Variants in MYH15 observed in about 807,000 individuals in gnomAD.
MYH15 encodes the protein myosin heavy chain 15, also known as myosin-15.
Under a neutral mutation model 240.5 loss-of-function variants are expected in MYH15, and 227 were observed. The observed-to-expected ratio is 0.94, with a 90% CI of 0.85 to 1.05. MYH15 has a LOEUF of 1.05. MYH15 is among the 50% of genes least tolerant of loss of function. The probability of loss-of-function intolerance (pLI) is 0.00; values close to 1 mark genes in which losing one functional copy is unlikely to be tolerated. For synonymous variants in MYH15, 785 were observed against 796.7 expected (o/e 0.99, Z 0.25); for missense variants, 2,217 against 2,247.5 (o/e 0.99, Z 0.27).
intron 27 of MYH15, among the ~76,000 whole-genome samples, chr3:108,422,514 AT>A: frequency 6.6e-6 from 1 of 152,264 alleles, no homozygotes; most frequent in East Asian, 1.9e-4. Flanking sequence ...AATGCCTTCC[AT>A]CTGCCCCATC....
intron 2 of MYH15, among the ~76,000 whole-genome samples, chr3:108,504,922 G>C (rs1017920032): frequency 1.3e-5 from 2 of 152,174 alleles, no homozygotes; most frequent in Non-Finnish European, 2.9e-5. Context: ...AAAGGTCATA[G>C]ATGACCTCCT....
At position 108,383,689 on chromosome 3, in the gene MYH15, T is replaced by C; in HGVS notation, c.5672A>G (p.Gln1891Arg). 1 of 1,611,336 alleles carries C rather than the reference T, an allele frequency of 6.2e-7. No individual in the cohort carries two copies. The highest frequency in any genetic ancestry group is 8.5e-7 in the Non-Finnish European group (1 of 1,178,516). Residue 1891 changes from glutamine to arginine, a missense_variant, in exon 40 of 41, where the codon CAG (glutamine) becomes CGG (arginine). Transcript: ENST00000693548. ...CTTCACTTCATTCAACTCATGTTGCTGTTTCTTATACTTGGAAAGGTATTG... is the reference window on the plus strand; with the variant it reads ...CTTCACTTCATTCAACTCATGTTGCCGTTTCTTATACTTGGAAAGGTATTG... ...ANQYLSKYKK[Q>R]QHELNEVKER...
the MYH15 span, among the ~76,000 whole-genome samples, chr3:108,549,267 T>G: frequency 6.6e-6 from 1 of 151,694 alleles, no homozygotes; most frequent in African/African-American, 2.4e-5. Flanking sequence ...TTACACACAC[T>G]TTTGCTTTTT....
chr3:108,411,449 T>A (rs1471957600), intron 30 of MYH15, among the ~76,000 whole-genome samples: 1 of 152,228 alleles, frequency 6.6e-6, no homozygotes, highest in Non-Finnish European at 1.5e-5. Context: ...TCTCCGAGTT[T>A]GTTCTCCACC....
chr3:108,499,701 A>G (rs570137694), intron 4 of MYH15, among the ~76,000 whole-genome samples: 10 of 152,294 alleles, frequency 6.6e-5, no homozygotes, highest in African/African-American at 2.4e-4. Context: ...ATAAAGGCCT[A>G]CTTCTTTGCG....
At chr3:108,436,307 C>T (rs190884610) in intron 25 of MYH15, among the ~76,000 whole-genome samples, 1 of 152,302 alleles carries the variant, frequency 6.6e-6, no homozygotes, top group Non-Finnish European at 1.5e-5. Flanking sequence ...GCTAAGGGAA[C>T]TCTATCATCA....
At chr3:108,445,251 T>C (rs1320269722) in intron 21 of MYH15, among the ~76,000 whole-genome samples, 1 of 152,218 alleles carries the variant, frequency 6.6e-6, no homozygotes, top group African/African-American at 2.4e-5. Flanking sequence ...CAAGTCTTGG[T>C]ATTGTAAGAG....
chr3:108,383,589 C>T lies in MYH15; in HGVS notation c.5766+6G>A, dbSNP rs2082359107. On this transcript the variant is annotated splice_donor_region_variant and intron_variant, in intron 40 of 40. Transcript: ENST00000693548. ...GAGTTAGAACAGAGTTGAATATCTGCCATACCTTTTTCCCAAACTCTCTTG... is the reference window on the plus strand; with the variant it reads ...GAGTTAGAACAGAGTTGAATATCTGTCATACCTTTTTCCCAAACTCTCTTG... 4 of 1,612,452 alleles carry T rather than the reference C, an allele frequency of 2.5e-6. No individual in the cohort carries two copies. The highest frequency in any genetic ancestry group is 3.4e-6 in the Non-Finnish European group (4 of 1,179,148).
chr3:108,410,239 GA>G (rs1042077385), intron 31 of MYH15, among the ~76,000 whole-genome samples: 13 of 152,004 alleles, frequency 8.6e-5, no homozygotes, highest in South Asian at 4.1e-4. Flanking sequence ...ATTCATATAT[GA>G]AAAAAAGGTG....
intron 40 of MYH15, among the ~76,000 whole-genome samples, chr3:108,381,887 T>C (rs1450381826): frequency 6.6e-6 from 1 of 152,192 alleles, no homozygotes; most frequent in Non-Finnish European, 1.5e-5. Flanking sequence ...TGACACAGAA[T>C]TCTATCAGCA....
the MYH15 span, chr3:108,549,869 T>C: frequency 6.6e-6 from 1 of 152,074 alleles, no homozygotes; most frequent in Admixed American, 6.6e-5. Flanking sequence ...GTCTCTTTTA[T>C]TTTATAGACC....
chr3:108,459,005 T>C (rs915437519), intron 18 of MYH15, among the ~76,000 whole-genome samples: 1 of 151,482 alleles, frequency 6.6e-6, no homozygotes, highest in African/African-American at 2.4e-5. Context: ...CTGAAATATC[T>C]ACCTTAATCC....
At chr3:108,493,532 C>G (rs1252110987) in intron 7 of MYH15, among the ~76,000 whole-genome samples, 3 of 152,180 alleles carry the variant, frequency 2.0e-5, no homozygotes, top group Admixed American at 2.0e-4. Flanking sequence ...AAAATATTTC[C>G]TCAGCATATT....
At chr3:108,430,557 A>G (rs1157422034) in intron 26 of MYH15, among the ~76,000 whole-genome samples, 1 of 152,230 alleles carries the variant, frequency 6.6e-6, no homozygotes, top group Non-Finnish European at 1.5e-5. Context: ...AGGATTCATG[A>G]GTGAAAAAAC....
At chr3:108,409,405 C>T (rs1355533913) in intron 31 of MYH15, among the ~76,000 whole-genome samples, 3 of 152,216 alleles carry the variant, frequency 2.0e-5, no homozygotes, top group Admixed American at 1.3e-4. Flanking sequence ...GCACCGGCCT[C>T]ACCTGGAAAA....
At chr3:108,400,764 G>C (rs905267046) in intron 33 of MYH15, among the ~76,000 whole-genome samples, 2 of 152,064 alleles carry the variant, frequency 1.3e-5, no homozygotes, top group Admixed American at 1.3e-4. Flanking sequence ...AGCCAAGTTT[G>C]CACCACTGCA....
chr3:108,475,123 T>A lies in MYH15; in HGVS notation c.1233+1274A>T, dbSNP rs139353999. Among the ~76,000 whole-genome samples the A allele has an allele frequency of 3.1e-3, 472 of 152,318 alleles. 3 individuals are homozygous for A. Among genetic ancestry groups the A allele is most frequent in the African/African-American group, 7.5e-3 (311 of 41,562 alleles). ...AATATACCAAGGGAAACACATCTAT[T>A]CTAGTCATCATATATAAGATGACTG... On this transcript the variant is annotated intron_variant, in intron 12 of 40. Transcript: ENST00000693548.
At chr3:108,391,718 A>C (rs1008896185) in intron 37 of MYH15, 42 bp downstream of exon 37, 18 of 1,583,106 alleles carry the variant, frequency 1.1e-5, no homozygotes, top group Non-Finnish European at 1.5e-5. Flanking sequence ...AGAGGTCTTG[A>C]ATTGGGGACT....
At chr3:108,440,273 TGAG>T (rs2082874494) in intron 23 of MYH15, among the ~76,000 whole-genome samples, 1 of 152,172 alleles carries the variant, frequency 6.6e-6, no homozygotes, top group Non-Finnish European at 1.5e-5. Flanking sequence ...CAATTTCTTT[TGAG>T]GAGTCATGGC....
Sources: gnomAD v4.1 joint callset for allele counts (sites outside exome capture counted in the v4.1 genomes callset) on GRCh38, gnomAD v4.1.1 for gene constraint, MANE v1.5 for transcripts, NCBI Gene and HGNC (gene_info 2026-07-23, HGNC 2026-07-21) for gene names.